The following IFT81 variants were observed in gnomAD, a reference collection of about 807,000 sequenced individuals.
IFT81 encodes the protein intraflagellar transport 81, also known as intraflagellar transport protein 81 homolog.
A neutral mutation model predicts 102.6 loss-of-function variants in IFT81; 72 were observed. The observed-to-expected ratio is 0.70, with a 90% confidence interval of 0.58 to 0.85. The LOEUF is 0.85. Among genes scored for constraint, IFT81 ranks in the 40% least tolerant of loss-of-function variants. The pLI is 0.00. For synonymous variants in IFT81, 237 were observed against 242.7 expected, an observed-to-expected ratio of 0.98 and a Z score of 0.22; for missense variants, 723 against 787.3, an observed-to-expected ratio of 0.92 and a Z score of 0.98.
In IFT81 at chr12:110,180,444, T is replaced by G; in HGVS notation, c.1211T>G (p.Leu404Arg). Residue 404 changes from leucine (L) to arginine (R), a missense_variant, in exon 12 of 19, where the codon CTT becomes CGT. Physicochemically the swap from Leu to Arg is moderately radical, Grantham distance 102 (BLOSUM62 -2). Transcript: ENST00000242591. ...GDEFKRYVNK[L>R]RSKSTVFKKK... ...CAGTTCAAACGATATGTCAATAAAC[T>G]TCGAAGCAAGAGTACAGTTTTCAAA... is the stretch of plus-strand genomic sequence containing the variant. 1 of 1,606,686 alleles carries G rather than the reference T, an allele frequency of 6.2e-7. No individual in the cohort carries two copies. Among genetic ancestry groups the G allele is most frequent in the Non-Finnish European group, 8.5e-7 (1 of 1,174,494 alleles).
intron 12 of IFT81, among the ~76,000 whole-genome samples, chr12:110,183,398 G>A (rs1271095037): frequency 6.6e-6 from 1 of 152,208 alleles, no homozygotes; most frequent in Non-Finnish European, 1.5e-5. Context: ...GCTCAGGAAT[G>A]GTCTCTGTTG....
Position 110,132,617 on chromosome 12 carries a change from C to A in IFT81, c.500C>A (p.Ser167Tyr), listed in dbSNP as rs866141059. Residue 167 changes from serine to tyrosine, a missense_variant, in exon 5 of 19, where the codon TCT becomes TAT. Coordinates refer to ENST00000242591, the MANE Select transcript of IFT81 (RefSeq NM_014055.4). ...EYEQLKISGF[S>Y]TAEIRKDISA... is the part of the protein sequence containing the mutation. ...GAGCAGCTCAAGATATCTGGATTTTCTACAGCAGAAATAAGAAAGGTAAAG... is the reference window on the plus strand; with the variant it reads ...GAGCAGCTCAAGATATCTGGATTTTATACAGCAGAAATAAGAAAGGTAAAG... 6.4e-7 allele frequency: 1 copy of A among 1,571,514 alleles called. No homozygotes were observed.
chr12:110,143,626 G>T lies in IFT81; in HGVS notation c.945+81G>T. The T allele has an allele frequency of 2.3e-5, 26 of 1,124,912 alleles. 1 individual carries two copies. In the South Asian group the frequency reaches 4.0e-4, roughly 17 times the overall value. The allele number at this position is 1,124,912 out of a possible 1,614,324, so 69.7% of individuals were successfully genotyped here. On this transcript the variant is annotated intron_variant, in intron 9 of 18. Transcript: ENST00000242591. ...AAAATTATGTGAACTGCTTTCTGTA[G>T]TATCCCACTATTGACTCTTAAATTA... is the stretch of plus-strand genomic sequence containing the variant.
At chr12:110,149,141 C>A (rs565315496) in intron 10 of IFT81, among the ~76,000 whole-genome samples, 1 of 152,140 alleles carries the variant, frequency 6.6e-6, no homozygotes, top group Non-Finnish European at 1.5e-5. Flanking sequence ...TTATTTAAGT[C>A]ATTTCTAGGC....
rs747670914 is a variant in IFT81, at chr12:110,163,044, T to C, written c.1167T>C (p.Thr389=). 6.2e-7 allele frequency: 1 copy of C among 1,613,970 alleles called. No homozygotes were observed. The highest frequency in any genetic ancestry group is 2.2e-5 in the East Asian group (1 of 44,866). Residue 389 remains threonine (T), a synonymous_variant, in exon 11 of 19, where the codon ACT becomes ACC. Coordinates refer to ENST00000242591, the MANE Select transcript of IFT81 (RefSeq NM_014055.4). ...KRNQTREFDG[T]EVLKGDEFKR... Reference sequence around the variant, plus strand: ...ATCAGACCCGTGAATTTGATGGTACTGAAGTTTTAAAGGGAGATGAGGTAA... The same window carrying C: ...ATCAGACCCGTGAATTTGATGGTACCGAAGTTTTAAAGGGAGATGAGGTAA...
chr12:110,209,627 G>C (rs1419420747), intron 18 of IFT81, among the ~76,000 whole-genome samples: 2 of 152,034 alleles, frequency 1.3e-5, no homozygotes, highest in African/African-American at 4.8e-5. Flanking sequence ...AAATTAGCCA[G>C]GCGTGGTGGC....
chr12:110,215,634 A>C (rs1870009864), intron 18 of IFT81, among the ~76,000 whole-genome samples: 1 of 150,412 alleles, frequency 6.6e-6, no homozygotes, highest in Non-Finnish European at 1.5e-5. Context: ...ACTAATTAAA[A>C]AAAAATTTTT....
Position 110,205,628 on chromosome 12 carries a change from G to A in IFT81, c.1750G>A (p.Glu584Lys). The A allele has an allele frequency of 6.2e-7, 1 of 1,604,662 alleles. No homozygotes were observed. Among genetic ancestry groups the A allele is most frequent in the Non-Finnish European group, 8.5e-7 (1 of 1,177,400 alleles). Residue 584 changes from glutamate to lysine, a missense_variant, in exon 17 of 19, where the codon GAG becomes AAG. Physicochemically the swap from Glu to Lys is moderately conservative, Grantham distance 56. Transcript: ENST00000242591. Reference protein sequence around the residue: ...LEVQLRRATDEMKAYISSDQQ... With the variant: ...LEVQLRRATDKMKAYISSDQQ... The stretch of plus-strand genomic sequence containing the variant: ...AGTTCAACTTCGTCGTGCTACTGAT[G>A]AGATGAAGGCATATATCTCTTCTGA...
intron 14 of IFT81, among the ~76,000 whole-genome samples, chr12:110,201,576 A>G (rs1898275935): frequency 2.0e-5 from 3 of 152,002 alleles, no homozygotes; most frequent in Admixed American, 2.0e-4. Flanking sequence ...GACCACAGGC[A>G]CATACCACCA....
chr12:110,142,308 C>G (rs1894939342), intron 8 of IFT81, among the ~76,000 whole-genome samples: 1 of 152,096 alleles, frequency 6.6e-6, no homozygotes, highest in Non-Finnish European at 1.5e-5. Flanking sequence ...GCTGAGACTA[C>G]AGGCATGTGC....
intron 11 of IFT81, among the ~76,000 whole-genome samples, chr12:110,179,773 T>TATATATATACACACACACACACAC (rs774113734): frequency 2.0e-5 from 1 of 50,492 alleles, no homozygotes; most frequent in Non-Finnish European, 4.1e-5. Flanking sequence ...TATATATATA[T>TATATATATACACACACACACACAC]ACACACACAC....
chr12:110,132,106 G>A (rs2137307441), intron 4 of IFT81, among the ~76,000 whole-genome samples: 1 of 152,296 alleles, frequency 6.6e-6, no homozygotes, highest in Non-Finnish European at 1.5e-5. Context: ...ATGTGTTTTT[G>A]TGTTTTTAAT....
At chr12:110,216,781 A>AG in intron 18 of IFT81, 1 of 355,376 alleles carries the variant, frequency 2.8e-6, no homozygotes, top group Non-Finnish European at 5.5e-6. Flanking sequence ...CCACCTATAT[A>AG]GCATGAGTCC....
At chr12:110,145,808 GTTT>G (rs1664885149) in intron 9 of IFT81, among the ~76,000 whole-genome samples, 1 of 150,042 alleles carries the variant, frequency 6.7e-6, no homozygotes, top group African/African-American at 2.5e-5. Flanking sequence ...ATTTTGTTTT[GTTT>G]TGTTTTGTTT....
At chr12:110,193,373 A>T (rs1232857657) in intron 14 of IFT81, among the ~76,000 whole-genome samples, 1 of 152,206 alleles carries the variant, frequency 6.6e-6, no homozygotes, top group African/African-American at 2.4e-5. Flanking sequence ...GTAAAAGCTC[A>T]AAGTCTGCCC....
chr12:110,153,317 C>T (rs1334976540), intron 10 of IFT81, among the ~76,000 whole-genome samples: 3 of 151,948 alleles, frequency 2.0e-5, no homozygotes, highest in East Asian at 3.9e-4. Context: ...TCACCGCAAC[C>T]TCCGCCTCCC....
chr12:110,166,103 T>G (rs1013200068), intron 11 of IFT81, among the ~76,000 whole-genome samples: 13 of 152,228 alleles, frequency 8.5e-5, no homozygotes, highest in Admixed American at 4.6e-4. Flanking sequence ...GTTTGTAGTA[T>G]GTAACTCCTA....
At chr12:110,155,171 TTATTAA>T (rs746649048) in intron 10 of IFT81, among the ~76,000 whole-genome samples, 14 of 152,236 alleles carry the variant, frequency 9.2e-5, no homozygotes, top group Non-Finnish European at 1.8e-4. Flanking sequence ...ATTTCATCTG[TTATTAA>T]TATAGTCACT....
chr12:110,176,942 A>C (rs1051642270), intron 11 of IFT81, among the ~76,000 whole-genome samples: 1 of 152,246 alleles, frequency 6.6e-6, no homozygotes, highest in African/African-American at 2.4e-5. Context: ...TAGCAGATGA[A>C]CAGGGTTGAT....
Sources: allele counts gnomAD v4.1 joint callset (sites outside exome capture counted in the v4.1 genomes callset), GRCh38; gene constraint gnomAD v4.1.1; transcripts MANE v1.5; gene names NCBI Gene and HGNC (gene_info 2026-07-23, HGNC 2026-07-21).